LCOR: variants seen among roughly 807,000 people sequenced by gnomAD.
The protein encoded by LCOR is ligand-dependent corepressor.
A neutral mutation model predicts 64.4 loss-of-function variants in LCOR; 14 were observed. The observed-to-expected ratio is 0.22, with a 90% CI of 0.14 to 0.34. The LOEUF is 0.34. LCOR is among the 10% of genes least tolerant of loss of function. The pLI is 1.00. For synonymous variants in LCOR, 643 were observed against 642.5 expected, an observed-to-expected ratio of 1.00 and a Z score of -0.01; for missense variants, 1,686 against 1,765.3, an observed-to-expected ratio of 0.96 and a Z score of 0.80.
At chr10:96,877,667 A>G (rs1291901100) in intron 2 of LCOR, among the ~76,000 whole-genome samples, 2 of 113,830 alleles carry the variant, frequency 1.8e-5, no homozygotes, top group Non-Finnish European at 3.2e-5. Context: ...GCTGGAGTGC[A>G]GTGGTACAGT....
At chr10:96,841,303 A>G (rs553848441) in intron 2 of LCOR, among the ~76,000 whole-genome samples, 1 of 152,032 alleles carries the variant, frequency 6.6e-6, no homozygotes, top group Non-Finnish European at 1.5e-5. Context: ...AAATGTATTA[A>G]TGGTATCACC....
chr10:96,956,975 G>T lies in LCOR; in HGVS notation c.332+4779G>T, dbSNP rs1051041049. On this transcript the variant is annotated intron_variant, in intron 7 of 7. Transcript: ENST00000421806. ...GCAAAAGTGATACTTAGATTTTACA[G>T]CCTCAGTAGTCTGCCCAGTGTCCAC... 5 of 984,906 alleles carry T rather than the reference G, an allele frequency of 5.1e-6. No homozygotes were observed. The African/African-American group carries it at 8.7e-5, about 17-fold the overall frequency. The allele number at this position is 984,906 out of a possible 1,614,324, so 61.0% of individuals were successfully genotyped here.
intron 2 of LCOR, among the ~76,000 whole-genome samples, chr10:96,848,092 C>A (rs1845663286): frequency 1.3e-5 from 2 of 152,120 alleles, no homozygotes; most frequent in African/African-American, 4.8e-5. Flanking sequence ...AATTACTATA[C>A]CTAAGTCAGC....
intron 7 of LCOR, chr10:96,955,998 A>G: frequency 1.3e-6 from 2 of 1,523,202 alleles, no homozygotes; most frequent in Non-Finnish European, 1.8e-6. Context: ...CATTGCTTGC[A>G]CGTAATTTCA....
chr10:96,906,836 C>T (rs752797696), intron 2 of LCOR, among the ~76,000 whole-genome samples: 6 of 152,158 alleles, frequency 3.9e-5, no homozygotes, highest in Non-Finnish European at 5.9e-5. Context: ...ATAAACTTAA[C>T]TCAAAATCTG....
At chr10:96,871,867 C>A (rs150580853) in intron 2 of LCOR, among the ~76,000 whole-genome samples, 2 of 152,242 alleles carry the variant, frequency 1.3e-5, no homozygotes, top group East Asian at 3.9e-4. Context: ...GTATATCTTA[C>A]AAAACAACAA....
intron 2 of LCOR, among the ~76,000 whole-genome samples, chr10:96,877,493 C>CA (rs1159500317): frequency 3.3e-5 from 5 of 151,736 alleles, no homozygotes; most frequent in African/African-American, 1.2e-4. Flanking sequence ...CACTGCACTC[C>CA]AGCCTGGGTG....
rs1225122030 is a variant in LCOR at position 96,986,780 on chromosome 10, G to A, written c.*1646G>A. ...TCTGTCACCAAAATCAGCTTGTATGGACAGCTGCTGCCCTGTCCTTTTTAT... is the reference window on the plus strand; with the variant it reads ...TCTGTCACCAAAATCAGCTTGTATGAACAGCTGCTGCCCTGTCCTTTTTAT... On this transcript the variant is annotated 3_prime_UTR_variant, in exon 8 of 8. Transcript: ENST00000421806. 2 of 152,180 alleles carry A rather than the reference G, an allele frequency of 1.3e-5. No individual in the cohort carries two copies. Among genetic ancestry groups the A allele is most frequent in the Non-Finnish European group, 2.9e-5 (2 of 68,026 alleles). 9.4% of individuals were successfully genotyped at this position (152,180 alleles called of 1,614,324 possible).
At chr10:96,902,729 C>T (rs1846661077) in intron 2 of LCOR, among the ~76,000 whole-genome samples, 1 of 152,076 alleles carries the variant, frequency 6.6e-6, no homozygotes, top group Non-Finnish European at 1.5e-5. Flanking sequence ...GCAAACAACT[C>T]CAGATAATAT....
chr10:96,954,750 T>C (rs950797736), intron 7 of LCOR, among the ~76,000 whole-genome samples: 1 of 152,196 alleles, frequency 6.6e-6, no homozygotes, highest in Non-Finnish European at 1.5e-5. Context: ...TGATTTTTTT[T>C]CTTTTTCCTT....
chr10:96,839,347 A>G (rs1845499312), intron 2 of LCOR, among the ~76,000 whole-genome samples: 2 of 152,242 alleles, frequency 1.3e-5, no homozygotes, highest in South Asian at 4.1e-4. Flanking sequence ...ACACTGTAAC[A>G]AAAGCTAAAC....
chr10:96,969,720 C>T (rs533045605), intron 7 of LCOR, among the ~76,000 whole-genome samples: 70 of 151,050 alleles, frequency 4.6e-4, no homozygotes, highest in African/African-American at 1.7e-3. Context: ...AATCAGATCA[C>T]AGCTAACATA....
chr10:96,912,313 C>A (rs915717727), intron 4 of LCOR, among the ~76,000 whole-genome samples: 2 of 152,132 alleles, frequency 1.3e-5, no homozygotes, highest in Admixed American at 1.3e-4. Context: ...AAAGGAATTC[C>A]CGTATATTCT....
intron 2 of LCOR, among the ~76,000 whole-genome samples, chr10:96,865,566 C>T (rs981183729): frequency 6.6e-6 from 1 of 151,890 alleles, no homozygotes; most frequent in African/African-American, 2.4e-5. Context: ...ATGGCCATCA[C>T]CCAAAACAAG....
Position 96,995,738 on chromosome 10 carries a change from T to C in LCOR, c.*10604T>C, listed in dbSNP as rs1848236972. The C allele has an allele frequency of 6.6e-6, 1 of 152,228 alleles. No individual in the cohort carries two copies. The highest frequency in any genetic ancestry group is 1.5e-5 in the Non-Finnish European group (1 of 68,042). The allele number at this position is 152,228 out of a possible 1,614,324, so 9.4% of individuals were successfully genotyped here. On this transcript the variant is annotated 3_prime_UTR_variant, in exon 8 of 8. Coordinates refer to ENST00000421806, the MANE Select transcript of LCOR (RefSeq NM_001346516.2). The surrounding 1 kb of genome is among the most constrained non-coding windows in gnomAD (Gnocchi z 4.2). ...TGTTTTGCTTTCCTATCAGGCCATGTAGGAAACTGTGTTCTTGTTATTGGT... is the reference window on the plus strand; with the variant it reads ...TGTTTTGCTTTCCTATCAGGCCATGCAGGAAACTGTGTTCTTGTTATTGGT...
At chr10:96,862,404 T>C (rs1845902222) in intron 2 of LCOR, among the ~76,000 whole-genome samples, 1 of 152,170 alleles carries the variant, frequency 6.6e-6, no homozygotes, top group Non-Finnish European at 1.5e-5. Flanking sequence ...TAGCTGGGAC[T>C]ATAGGTATGC....
At chr10:96,861,727 G>A (rs1373452697) in intron 2 of LCOR, among the ~76,000 whole-genome samples, 1 of 152,114 alleles carries the variant, frequency 6.6e-6, no homozygotes, top group East Asian at 1.9e-4. Flanking sequence ...TGTATTTTTA[G>A]TACAGATGGG....
intron 4 of LCOR, among the ~76,000 whole-genome samples, chr10:96,916,752 C>G (rs547524835): frequency 6.6e-6 from 1 of 151,896 alleles, no homozygotes; most frequent in Non-Finnish European, 1.5e-5. Flanking sequence ...GTAGCTGGGA[C>G]TACAGGCGCA....
chr10:96,921,212 T>G (rs1483638780), intron 4 of LCOR, among the ~76,000 whole-genome samples: 1 of 152,194 alleles, frequency 6.6e-6, no homozygotes, highest in Non-Finnish European at 1.5e-5. Context: ...TTTCACTCTG[T>G]TGTGTCCTTT....
Sources: gnomAD v4.1 joint callset for allele counts (sites outside exome capture counted in the v4.1 genomes callset) on GRCh38, gnomAD v4.1.1 for gene constraint, Gnocchi (gnomAD v3.1) non-coding constraint, MANE v1.5 for transcripts, NCBI Gene and HGNC (gene_info 2026-07-23, HGNC 2026-07-21) for gene names.